Variants in SUMF1 observed in about 807,000 individuals in gnomAD.
SUMF1 encodes the protein sulfatase modifying factor 1.
A neutral mutation model predicts 47.6 loss-of-function variants in SUMF1; 48 were observed. The ratio of observed to expected loss-of-function variants is 1.01; its 90% CI spans 0.80 to 1.28. SUMF1 has a LOEUF of 1.28. Ranked by LOEUF, SUMF1 falls within the 50% of genes most tolerant of loss-of-function variation. The pLI, the probability that SUMF1 is intolerant of heterozygous loss-of-function variation, is 0.00. For missense variants in SUMF1, 571 were observed against 485.4 expected (o/e 1.18, Z -1.66); for synonymous variants, 230 against 192.1 (o/e 1.20, Z -1.63).
At chr3:4,270,396 G>GCT (rs907930654) in intron 8 of SUMF1, among the ~76,000 whole-genome samples, 1 of 150,694 alleles carries the variant, frequency 6.6e-6, no homozygotes, top group Non-Finnish European at 1.5e-5. Context: ...TTCTCTCTTT[G>GCT]CTCTCTCTCT....
chr3:4,238,256 T>G (rs974981430), intron 8 of SUMF1, among the ~76,000 whole-genome samples: 7 of 152,156 alleles, frequency 4.6e-5, no homozygotes, highest in Non-Finnish European at 8.8e-5. Context: ...GCATGTGTCT[T>G]TATAGAATGA....
At chr3:4,089,030 G>C (rs1692729485) in intron 8 of SUMF1, among the ~76,000 whole-genome samples, 1 of 152,092 alleles carries the variant, frequency 6.6e-6, no homozygotes, top group Non-Finnish European at 1.5e-5. Context: ...AACCAGGTAT[G>C]TGTGACAGAT....
chr3:4,049,276 T>A (rs968471527), intron 9 of SUMF1, among the ~76,000 whole-genome samples: 6 of 152,124 alleles, frequency 3.9e-5, no homozygotes, highest in Admixed American at 2.0e-4. Flanking sequence ...GGCAAATAAT[T>A]CAATAGCTCT....
At chr3:4,183,314 C>G (rs367599779) in intron 8 of SUMF1, among the ~76,000 whole-genome samples, 18 of 152,180 alleles carry the variant, frequency 1.2e-4, no homozygotes, top group African/African-American at 4.1e-4. Context: ...GAAATCTAAT[C>G]ATGTCCTTCT....
At chr3:4,307,722 C>T (rs1698245224) in intron 8 of SUMF1, among the ~76,000 whole-genome samples, 1 of 152,106 alleles carries the variant, frequency 6.6e-6, no homozygotes, top group African/African-American at 2.4e-5. Flanking sequence ...GTAAAACTTA[C>T]ATTGTAACAA....
At chr3:4,121,027 C>G (rs1693528852) in intron 8 of SUMF1, among the ~76,000 whole-genome samples, 1 of 152,074 alleles carries the variant, frequency 6.6e-6, no homozygotes, top group African/African-American at 2.4e-5. Flanking sequence ...AGAAGAAGAA[C>G]TTACTTTACC....
At chr3:4,339,595 A>C (rs1049038411) in intron 8 of SUMF1, among the ~76,000 whole-genome samples, 1 of 152,130 alleles carries the variant, frequency 6.6e-6, no homozygotes, top group African/African-American at 2.4e-5. Context: ...AGATTTCTGC[A>C]TCAACCAGTC....
intron 8 of SUMF1, among the ~76,000 whole-genome samples, chr3:4,183,035 T>C (rs1399574178): frequency 6.6e-6 from 1 of 152,150 alleles, no homozygotes; most frequent in Admixed American, 6.5e-5. Flanking sequence ...CTTTCTGCTA[T>C]CGGCCAACTG....
intron 2 of SUMF1, among the ~76,000 whole-genome samples, chr3:4,451,504 C>G (rs763642901): frequency 6.6e-6 from 1 of 152,138 alleles, no homozygotes; most frequent in African/African-American, 2.4e-5. Flanking sequence ...CAACTTATAA[C>G]TTTTCCCTAT....
Position 4,303,913 on chromosome 3 carries a change from G to A in SUMF1, c.1014+72417C>T, listed in dbSNP as rs545958821. On this transcript the variant is annotated intron_variant and NMD_transcript_variant, in intron 8 of 12. Coordinates refer to the SUMF1 transcript ENST00000448413. Reference sequence around the variant, plus strand: ...CTATTAATGGATCGCAGCCGGTGTCGTGCATAAAAACAGCCCCTCGAGTCA... The same window carrying A: ...CTATTAATGGATCGCAGCCGGTGTCATGCATAAAAACAGCCCCTCGAGTCA... The A allele has an allele frequency of 1.4e-3, 1,709 of 1,217,016 alleles. 5 individuals carry two copies. The highest frequency in any genetic ancestry group is 3.5e-3 in the Admixed American group (110 of 31,398). The allele number at this position is 1,217,016 out of a possible 1,614,324, so 75.4% of individuals were successfully genotyped here. A position where few individuals can be genotyped will look rare whatever the true frequency, so the allele number is the denominator to read the frequency against.
intron 8 of SUMF1, among the ~76,000 whole-genome samples, chr3:4,159,829 T>G (rs1289059809): frequency 1.3e-5 from 2 of 152,200 alleles, no homozygotes; most frequent in Non-Finnish European, 2.9e-5. Flanking sequence ...CTGGACATAC[T>G]ATTCTAGGGT....
chr3:4,109,676 G>C (rs1266219492), intron 8 of SUMF1, among the ~76,000 whole-genome samples: 2 of 151,674 alleles, frequency 1.3e-5, no homozygotes, highest in African/African-American at 2.4e-5. Flanking sequence ...TCATTCATTT[G>C]ATCTTCCATC....
chr3:4,039,916 G>C (rs1694880319), intron 9 of SUMF1, among the ~76,000 whole-genome samples: 1 of 152,008 alleles, frequency 6.6e-6, no homozygotes, highest in Admixed American at 6.5e-5. Flanking sequence ...TCAGCTACTT[G>C]GGAGCCTGAG....
chr3:4,093,018 G>C (rs1186691856), intron 8 of SUMF1, among the ~76,000 whole-genome samples: 1 of 152,140 alleles, frequency 6.6e-6, no homozygotes, highest in Non-Finnish European at 1.5e-5. Context: ...AATACATGCA[G>C]TGCTTAAAAG....
At chr3:4,216,679 C>A (rs1351628571) in intron 8 of SUMF1, among the ~76,000 whole-genome samples, 1 of 152,080 alleles carries the variant, frequency 6.6e-6, no homozygotes, top group Non-Finnish European at 1.5e-5. Flanking sequence ...AAGAAAAAAA[C>A]AACCCCATCA....
intron 8 of SUMF1, among the ~76,000 whole-genome samples, chr3:4,283,287 A>G (rs1697565140): frequency 6.6e-6 from 1 of 152,244 alleles, no homozygotes; most frequent in African/African-American, 2.4e-5. Context: ...TATTAAAAGA[A>G]ACAAGTATCA....
chr3:4,225,773 T>C (rs1696159011), intron 8 of SUMF1, among the ~76,000 whole-genome samples: 2 of 152,112 alleles, frequency 1.3e-5, no homozygotes, highest in South Asian at 2.1e-4. Flanking sequence ...TACTCAAAAA[T>C]GCAGAGCTTA....
At chr3:4,186,878 A>T (rs1695211443) in intron 8 of SUMF1, among the ~76,000 whole-genome samples, 1 of 152,206 alleles carries the variant, frequency 6.6e-6, no homozygotes, top group African/African-American at 2.4e-5. Flanking sequence ...TTCCTTTGAT[A>T]TAATTTTATC....
In SUMF1 at chr3:4,162,980, C is replaced by T. The variant is rs142371372; in HGVS notation, c.1015-94235G>A. Among the ~76,000 whole-genome samples, 457 of 152,034 alleles carry T rather than the reference C, an allele frequency of 3.0e-3. 5 individuals are homozygous for T. Among genetic ancestry groups the T allele is most frequent in the African/African-American group, 0.011 (437 of 41,456 alleles). ...ATGCTTCACAGAACTACAAACTCATCACGTTAGTGCCCATTGCTGGCACCC... is the reference window on the plus strand; with the variant it reads ...ATGCTTCACAGAACTACAAACTCATTACGTTAGTGCCCATTGCTGGCACCC... On this transcript the variant is annotated intron_variant and NMD_transcript_variant, in intron 8 of 12. Coordinates refer to the SUMF1 transcript ENST00000448413.
Sources: gnomAD v4.1 joint callset for allele counts (sites outside exome capture counted in the v4.1 genomes callset) on GRCh38, gnomAD v4.1.1 for gene constraint, MANE v1.5 for transcripts, NCBI Gene and HGNC (gene_info 2026-07-23, HGNC 2026-07-21) for gene names.